Variants in PPP1CC observed in about 807,000 individuals in gnomAD.
PPP1CC encodes the protein serine/threonine-protein phosphatase PP1-gamma catalytic subunit.
In PPP1CC, 16 loss-of-function variants were observed where a neutral mutation model predicts 38.4. The observed-to-expected ratio is 0.42, with a 90% confidence interval of 0.28 to 0.63. The LOEUF (loss-of-function observed/expected upper bound fraction) is 0.63. Ranked by LOEUF, PPP1CC falls within the 30% of genes least tolerant of loss-of-function variation. PPP1CC has a pLI of 0.25. For synonymous variants in PPP1CC, 158 were observed against 136.0 expected, an observed-to-expected ratio of 1.16 and a Z score of -1.13; for missense variants, 170 against 391.3, an observed-to-expected ratio of 0.43 and a Z score of 4.77.
chr12:110,713,141 T>C, the PPP1CC span, among the ~76,000 whole-genome samples: 1 of 107,706 alleles, frequency 9.3e-6, no homozygotes, highest in Non-Finnish European at 1.8e-5. Context: ...TTGACTTTCT[T>C]TTTTTTTTGG....
intron 1 of PPP1CC, 48 bp from the exon 2 acceptor site, chr12:110,731,949 T>C (rs2069877454): frequency 6.3e-7 from 1 of 1,593,004 alleles, no homozygotes; most frequent in Non-Finnish European, 8.6e-7. Context: ...AAATACAAAA[T>C]ACAATACGAG....
At chr12:110,730,043 C>T (rs980985357) in intron 3 of PPP1CC, among the ~76,000 whole-genome samples, 2 of 152,238 alleles carry the variant, frequency 1.3e-5, no homozygotes, top group African/African-American at 4.8e-5. Context: ...ATTACAGCGG[C>T]AGTGTTATTT....
chr12:110,722,129 C>T lies in PPP1CC; in HGVS notation c.882+6G>A, dbSNP rs372034162. The stretch of plus-strand genomic sequence containing the variant: ...AAAAGGAAATCATGTTGAAAGCATG[C>T]TCTACCTGAAAAGAACACATTAGTG... On this transcript the variant is annotated splice_donor_region_variant and intron_variant, in intron 6 of 6. Transcript: ENST00000335007. The surrounding 1 kb of genome is among the most constrained non-coding windows in gnomAD (Gnocchi z 5.4). The T allele has an allele frequency of 1.7e-4, 268 of 1,612,006 alleles. No individual in the cohort carries two copies. Among genetic ancestry groups the T allele is most frequent in the Non-Finnish European group, 2.0e-4 (239 of 1,178,450 alleles).
intron 1 of PPP1CC, among the ~76,000 whole-genome samples, chr12:110,734,205 C>G (rs2136559795): frequency 6.6e-6 from 1 of 152,332 alleles, no homozygotes; most frequent in South Asian, 2.1e-4. Context: ...AAACCCACAG[C>G]AGCAGTCCTG....
intron 1 of PPP1CC, among the ~76,000 whole-genome samples, chr12:110,741,799 A>G (rs1361625444): frequency 6.6e-6 from 1 of 152,160 alleles, no homozygotes; most frequent in Non-Finnish European, 1.5e-5. Context: ...TAACAAAAAC[A>G]AAAAAAATTG....
intron 4 of PPP1CC, among the ~76,000 whole-genome samples, chr12:110,723,682 A>G (rs999872195): frequency 1.2e-4 from 18 of 152,120 alleles, no homozygotes; most frequent in Non-Finnish European, 2.5e-4. Context: ...GCTAACTTTT[A>G]CAACTTTTTC....
Position 110,721,090 on chromosome 12 carries a change from G to C in PPP1CC, c.958C>G (p.Gln320Glu), listed in dbSNP as rs1172659210. 2 of 1,613,756 alleles carry C rather than the reference G, an allele frequency of 1.2e-6. No individual in the cohort carries two copies. The highest frequency in any genetic ancestry group is 1.7e-5 in the Admixed American group (1 of 60,012). The change falls in exon 7 of 7, where the codon CAA (glutamine) becomes GAA (glutamate). Residue 320 changes from glutamine (Q) to glutamate (E), a missense_variant. Coordinates refer to ENST00000335007, the MANE Select transcript of PPP1CC (RefSeq NM_002710.4). ...VTPPRGMITKQAKK is the reference protein window; with the variant it reads ...VTPPRGMITKEAKK The stretch of plus-strand genomic sequence containing the variant: ...CAAAACGACATCTATTTCTTTGCTT[G>C]CTTTGTGATCATACCCCTTGGAGGC...
rs200083586 is a variant in PPP1CC at position 110,720,478 on chromosome 12, GAA to G, written c.*596_*597del. ...TTGTCATTTTAAGTATACGGTCGGG[GAA>G]AAGTGTGCTTTAATTAAATATACAT... On this transcript the variant is annotated 3_prime_UTR_variant, in exon 7 of 7. Transcript: ENST00000335007. The G allele has an allele frequency of 7.8e-3, 2,960 of 381,698 alleles. 8 individuals are homozygous for G. The highest frequency in any genetic ancestry group is 9.6e-3 in the Non-Finnish European group (2,030 of 210,848). 23.6% of individuals were successfully genotyped at this position (381,698 alleles called of 1,614,324 possible).
chr12:110,742,497 C>T (rs2136574369), intron 1 of PPP1CC, among the ~76,000 whole-genome samples, 156 bp downstream of exon 1: 1 of 152,296 alleles, frequency 6.6e-6, no homozygotes, highest in Non-Finnish European at 1.5e-5. Context: ...GGCCTCCCTC[C>T]GGCTGCAGTC....
At position 110,730,530 on chromosome 12, in the gene PPP1CC, T is replaced by C; in HGVS notation, c.417A>G (p.Glu139=). Residue 139 remains glutamate, a splice_region_variant and synonymous_variant, in exon 3 of 7, where the codon GAA becomes GAG. Coordinates refer to ENST00000335007, the MANE Select transcript of PPP1CC (RefSeq NM_002710.4). ...CCTTAGATATAGAAAAGTACTTACATTCATCATAAAATCCATAAATTCTGT... is the reference window on the plus strand; with the variant it reads ...CCTTAGATATAGAAAAGTACTTACACTCATCATAAAATCCATAAATTCTGT... ...SINRIYGFYD[E]CKRRYNIKLW... 2 of 1,595,988 alleles carry C rather than the reference T, an allele frequency of 1.3e-6. No homozygotes were observed. The highest frequency in any genetic ancestry group is 1.1e-5 in the South Asian group (1 of 88,966).
the PPP1CC span, among the ~76,000 whole-genome samples, chr12:110,712,168 A>G: frequency 3.3e-5 from 5 of 152,014 alleles, no homozygotes; most frequent in East Asian, 9.6e-4. Context: ...GCTCTACCGT[A>G]TAGCTTATGT....
downstream of PPP1CC, among the ~76,000 whole-genome samples, chr12:110,716,541 C>T (rs1442018170): frequency 1.3e-5 from 2 of 151,914 alleles, no homozygotes; most frequent in African/African-American, 2.4e-5. Context: ...TCAATGGAGA[C>T]AGGATTTCAC....
intron 3 of PPP1CC, among the ~76,000 whole-genome samples, chr12:110,728,408 A>AC (rs200417103): frequency 0.025 from 3,657 of 148,516 alleles, 175 homozygotes; most frequent in African/African-American, 0.087. Flanking sequence ...AAAAAAAAAA[A>AC]AAAAAACAAA....
intron 3 of PPP1CC, among the ~76,000 whole-genome samples, chr12:110,728,397 CAAA>C (rs1234259790): frequency 2.5e-5 from 2 of 78,596 alleles, no homozygotes; most frequent in Non-Finnish European, 2.8e-5. Context: ...GACTCCGTCT[CAAA>C]AAAAAAAAAA....
chr12:110,742,891 G>A lies in PPP1CC; in HGVS notation c.-184C>T, dbSNP rs909665993. 9.6e-6 allele frequency: 4 copies of A among 418,426 alleles called. No homozygotes were observed. Among genetic ancestry groups the A allele is most frequent in the Admixed American group, 8.9e-5 (2 of 22,480 alleles). The allele number at this position is 418,426 out of a possible 1,614,324, so 25.9% of individuals were successfully genotyped here. A position where few individuals can be genotyped will look rare whatever the true frequency, so the allele number is the denominator to read the frequency against. On this transcript the variant is annotated 5_prime_UTR_variant, in exon 1 of 7. Coordinates refer to ENST00000335007, the MANE Select transcript of PPP1CC (RefSeq NM_002710.4). ...TCTCTCCCCACTGGAACCACGAGAA[G>A]AACAAAATGGCCGCCGACTCCTTAG...
intron 1 of PPP1CC, among the ~76,000 whole-genome samples, chr12:110,735,682 T>C (rs1157731934): frequency 6.6e-6 from 1 of 151,744 alleles, no homozygotes; most frequent in East Asian, 1.9e-4. Context: ...CACAGGAGGC[T>C]GAGGCACGAG....
intron 6 of PPP1CC, 197 bp from the exon 7 acceptor site, chr12:110,721,362 T>C: frequency 2.1e-6 from 1 of 480,254 alleles, no homozygotes; most frequent in Non-Finnish European, 3.7e-6. Context: ...ACAGATAAAA[T>C]CTATTATCTG....
the PPP1CC span, among the ~76,000 whole-genome samples, chr12:110,710,672 T>G: frequency 7.7e-6 from 1 of 129,994 alleles, no homozygotes; most frequent in Non-Finnish European, 1.6e-5. Context: ...GAGCGGAGAT[T>G]GCACCACTGC....
At chr12:110,740,688 G>C (rs76279436) in intron 1 of PPP1CC, among the ~76,000 whole-genome samples, 3,934 of 152,058 alleles carry the variant, frequency 0.026, 173 homozygotes, top group African/African-American at 0.089. Flanking sequence ...ATAACAAGAG[G>C]AACTATTAAG....
Sources: gnomAD v4.1 joint callset for allele counts (sites outside exome capture counted in the v4.1 genomes callset) on GRCh38, gnomAD v4.1.1 for gene constraint, Gnocchi (gnomAD v3.1) non-coding constraint, MANE v1.5 for transcripts, NCBI Gene and HGNC (gene_info 2026-07-23, HGNC 2026-07-21) for gene names.